Variants in CMIP observed in about 807,000 individuals in gnomAD.
The protein encoded by CMIP is C-Maf-inducing protein.
In CMIP, 13 loss-of-function variants were observed where a neutral mutation model predicts 97.3. The observed-to-expected ratio is 0.13, with a 90% CI of 0.09 to 0.21. The LOEUF (loss-of-function observed/expected upper bound fraction) is 0.21, where lower values mean the gene tolerates loss of function less well. Ranked by LOEUF, CMIP falls within the 10% of genes least tolerant of loss-of-function variation. CMIP has a pLI of 1.00. For synonymous variants in CMIP, 538 were observed against 436.3 expected (o/e 1.23, Z -2.91); for missense variants, 847 against 1,024.9 (o/e 0.83, Z 2.37).
At chr16:81,646,390 G>A (rs1451571567) in intron 3 of CMIP, among the ~76,000 whole-genome samples, 1 of 152,118 alleles carries the variant, frequency 6.6e-6, no homozygotes, top group African/African-American at 2.4e-5. Context: ...GAGTCTGCTC[G>A]TGAAGCCTAT....
intron 1 of CMIP, among the ~76,000 whole-genome samples, chr16:81,544,091 GGAGA>G (rs750886298): frequency 1.3e-5 from 2 of 152,202 alleles, no homozygotes; most frequent in African/African-American, 4.8e-5. Context: ...AGAGGGGAAA[GGAGA>G]GAGAGAAGGA....
intron 1 of CMIP, among the ~76,000 whole-genome samples, chr16:81,573,293 G>C (rs377637709): frequency 6.6e-6 from 1 of 151,508 alleles, no homozygotes. Context: ...GCAGTGAGCC[G>C]AGATCGCGTC....
intron 9 of CMIP, among the ~76,000 whole-genome samples, chr16:81,675,065 T>C (rs927301199): frequency 6.6e-6 from 1 of 152,172 alleles, no homozygotes; most frequent in Non-Finnish European, 1.5e-5. Flanking sequence ...GAAGGAGCGT[T>C]GGGGAGGTGA....
At chr16:81,468,412 G>T (rs906070876) in intron 1 of CMIP, among the ~76,000 whole-genome samples, 1 of 152,374 alleles carries the variant, frequency 6.6e-6, no homozygotes, top group East Asian at 1.9e-4. Context: ...CTCTCCTTGC[G>T]GGTAAATTGA....
chr16:81,462,379 A>G (rs1906946684), intron 1 of CMIP, among the ~76,000 whole-genome samples: 1 of 152,164 alleles, frequency 6.6e-6, no homozygotes, highest in Non-Finnish European at 1.5e-5. Context: ...TTTAGCATCC[A>G]TAATATAGGC....
intron 11 of CMIP, 28 bp from the exon 12 acceptor site, chr16:81,693,130 G>T: frequency 6.2e-7 from 1 of 1,604,390 alleles, no homozygotes; most frequent in Non-Finnish European, 8.5e-7. Flanking sequence ...TCTGTTAACC[G>T]CCGTGTTTTC....
At chr16:81,578,647 A>G (rs2091243120) in intron 1 of CMIP, among the ~76,000 whole-genome samples, 1 of 152,140 alleles carries the variant, frequency 6.6e-6, no homozygotes, top group Admixed American at 6.5e-5. Flanking sequence ...GGTGTGTAGG[A>G]TGTTCTTCCC....
chr16:81,609,640 C>T (rs367872584), intron 2 of CMIP, among the ~76,000 whole-genome samples: 1 of 152,176 alleles, frequency 6.6e-6, no homozygotes, highest in African/African-American at 2.4e-5. Context: ...ACTTATTTGG[C>T]CTGGGGGGCC....
At chr16:81,490,901 T>A (rs2089395325) in intron 1 of CMIP, among the ~76,000 whole-genome samples, 1 of 152,094 alleles carries the variant, frequency 6.6e-6, no homozygotes, top group Non-Finnish European at 1.5e-5. Flanking sequence ...GAATACACAC[T>A]TTCTCCTTTT....
intron 1 of CMIP, among the ~76,000 whole-genome samples, chr16:81,497,209 G>T (rs958122034): frequency 9.2e-5 from 14 of 152,212 alleles, no homozygotes; most frequent in African/African-American, 3.4e-4. Context: ...CCTCTGCTCA[G>T]GCAGACCTAG....
intron 8 of CMIP, among the ~76,000 whole-genome samples, chr16:81,670,625 G>C (rs1007042065): frequency 1.1e-4 from 16 of 147,580 alleles, no homozygotes; most frequent in South Asian, 2.3e-4. Context: ...TTTTTTGGGG[G>C]GGGGGGGGGT....
chr16:81,557,923 T>C (rs1427067117), intron 1 of CMIP, among the ~76,000 whole-genome samples: 1 of 152,170 alleles, frequency 6.6e-6, no homozygotes, highest in Non-Finnish European at 1.5e-5. Flanking sequence ...AGACAGAGAC[T>C]CTGTCCCTGT....
At chr16:81,699,601 G>T in intron 14 of CMIP, 84 bp from the exon 15 acceptor site, 1 of 840,760 alleles carries the variant, frequency 1.2e-6, no homozygotes, top group Non-Finnish European at 2.0e-6. Flanking sequence ...CTGTTCAACG[G>T]CTCTTGGGCT....
chr16:81,465,669 A>T (rs1361324845), intron 1 of CMIP, among the ~76,000 whole-genome samples: 1 of 152,204 alleles, frequency 6.6e-6, no homozygotes, highest in Non-Finnish European at 1.5e-5. Context: ...GCTCAGCTGA[A>T]CCGTGAGAGG....
intron 10 of CMIP, among the ~76,000 whole-genome samples, chr16:81,680,198 G>T (rs1297848461): frequency 6.6e-6 from 1 of 152,238 alleles, no homozygotes; most frequent in African/African-American, 2.4e-5. Flanking sequence ...TGTCTGTGTG[G>T]GTGGGTGGGG....
intron 9 of CMIP, among the ~76,000 whole-genome samples, chr16:81,677,610 G>A (rs190956857): frequency 1.1e-3 from 162 of 152,340 alleles, no homozygotes; most frequent in African/African-American, 3.3e-3. Flanking sequence ...CCCAGTGTTT[G>A]CCTAACAAAT....
Position 81,605,027 on chromosome 16 carries a change from G to A in CMIP, c.301-2540G>A, listed in dbSNP as rs542514137. On this transcript the variant is annotated intron_variant, in intron 1 of 20. Transcript: ENST00000537098. ...TATATAAACAGTAGCAGGGGACACA[G>A]ACAATCAGTGACCAACACAATAAAT... Among the ~76,000 whole-genome samples, 4 of 152,324 alleles carry A rather than the reference G, an allele frequency of 2.6e-5. No individual in the cohort carries two copies. The East Asian group carries it at 7.7e-4, about 29-fold the overall frequency.
At chr16:81,540,766 C>T (rs992442254) in intron 1 of CMIP, among the ~76,000 whole-genome samples, 9 of 148,364 alleles carry the variant, frequency 6.1e-5, no homozygotes, top group Non-Finnish European at 1.3e-4. Flanking sequence ...CTGCAGCCTC[C>T]GCCTCCCAGG....
chr16:81,705,983 T>C (rs967606850), intron 19 of CMIP, among the ~76,000 whole-genome samples: 6 of 152,144 alleles, frequency 3.9e-5, no homozygotes, highest in African/African-American at 1.4e-4. Context: ...GAAATGTACA[T>C]TCCCAAGCCC....
Sources: allele counts gnomAD v4.1 joint callset (sites outside exome capture counted in the v4.1 genomes callset), GRCh38; gene constraint gnomAD v4.1.1; transcripts MANE v1.5; gene names NCBI Gene and HGNC (gene_info 2026-07-23, HGNC 2026-07-21).